Variants in TRIM61 observed in about 807,000 individuals in gnomAD.
The protein encoded by TRIM61 is tripartite motif containing 61.
A neutral mutation model predicts 14.2 loss-of-function variants in TRIM61; 1 was observed. That is an observed-to-expected ratio of 0.07 (90% CI 0.03 to 0.33). The LOEUF (loss-of-function observed/expected upper bound fraction) is 0.33, where lower values mean the gene tolerates loss of function less well. TRIM61 is among the 10% of genes least tolerant of loss of function. The pLI is 0.99. For synonymous variants in TRIM61, 8 were observed against 71.6 expected (o/e 0.11, Z 4.49); for missense variants, 19 against 202.2 (o/e 0.09, Z 5.49).
chr4:164,957,022 G>T, intron 3 of TRIM61: 1 of 1,505,554 alleles, frequency 6.6e-7, no homozygotes, highest in Admixed American at 2.2e-5. Context: ...TACCACAGTG[G>T]ATGGAAGGAT....
At chr4:164,965,446 C>CTTT (rs70952674) in intron 3 of TRIM61, among the ~76,000 whole-genome samples, 5,581 of 126,158 alleles carry the variant, frequency 0.044, 568 homozygotes, top group East Asian at 0.38. Context: ...TCTGCCTATG[C>CTTT]TTTTTTTTTT....
chr4:164,956,857 A>G (rs1192905796), intron 3 of TRIM61: 2 of 675,268 alleles, frequency 3.0e-6, no homozygotes, highest in Non-Finnish European at 4.9e-6. Flanking sequence ...CACCCCAAGC[A>G]CTGCAGCGTT....
chr4:164,967,182 C>T (rs1468231982), intron 3 of TRIM61, among the ~76,000 whole-genome samples: 1 of 152,120 alleles, frequency 6.6e-6, no homozygotes, highest in Non-Finnish European at 1.5e-5. Flanking sequence ...ACAAATCTGA[C>T]AAAACATGTT....
chr4:164,969,178 A>G (rs1219990561), intron 3 of TRIM61: 119 of 1,214,962 alleles, frequency 9.8e-5, no homozygotes, highest in Non-Finnish European at 1.1e-4. Context: ...GATGGTAACC[A>G]TATTTTTTTA....
In TRIM61 at chr4:164,962,944, C is replaced by G. The variant is rs2111138275; in HGVS notation, c.525+6534G>C. On this transcript the variant is annotated intron_variant, in intron 3 of 4. Transcript: ENST00000329314. ...CAAGGTTCTTATACTGAAAGGGAAA[C>G]AGTATAATTTCATTTAAAGGAGGCC... Among the ~76,000 whole-genome samples, 5 of 152,212 alleles carry G rather than the reference C, an allele frequency of 3.3e-5. No individual in the cohort carries two copies. The South Asian group carries it at 1.0e-3, about 32-fold the overall frequency.
chr4:164,969,541 T>C lies in TRIM61; in HGVS notation c.462A>G (p.Arg154=). 6.5e-7 allele frequency: 1 copy of C among 1,541,138 alleles called. No individual in the cohort carries two copies. The highest frequency in any genetic ancestry group is 8.8e-7 in the Non-Finnish European group (1 of 1,132,580). ...TTATGACTTTTTCAATTAGTTCCAC[T>C]CTCTCCTTCCACGGTGCATTGTATT... Residue 154 remains arginine (R), a synonymous_variant, in exon 3 of 5, where the codon AGA becomes AGG. Transcript: ENST00000329314.
chr4:164,955,998 G>A (rs542648768), intron 3 of TRIM61, among the ~76,000 whole-genome samples: 1 of 152,344 alleles, frequency 6.6e-6, no homozygotes, highest in African/African-American at 2.4e-5. Flanking sequence ...AAGAGTAAGA[G>A]AAATGAGCTT....
chr4:164,966,081 T>C (rs959758029), intron 3 of TRIM61, among the ~76,000 whole-genome samples: 2 of 152,214 alleles, frequency 1.3e-5, no homozygotes, highest in African/African-American at 2.4e-5. Context: ...GTGTTGCAGA[T>C]GAGAAGGCTC....
chr4:164,961,270 A>ATT (rs1230594425), intron 3 of TRIM61, among the ~76,000 whole-genome samples: 1 of 150,898 alleles, frequency 6.6e-6, no homozygotes, highest in African/African-American at 2.4e-5. Flanking sequence ...CAGATAGATA[A>ATT]TTTTATCAGA....
intron 3 of TRIM61, 126 bp downstream of exon 3, chr4:164,968,155 G>A (rs1394521464): frequency 3.0e-6 from 3 of 984,536 alleles, no homozygotes; most frequent in East Asian, 1.1e-4. Context: ...GAGGGGAGGG[G>A]AGAAGAGGAA....
At chr4:164,957,320 A>G in intron 3 of TRIM61, 1 of 1,614,150 alleles carries the variant, frequency 6.2e-7, no homozygotes, top group Non-Finnish European at 8.5e-7. Flanking sequence ...GAGGAATTTT[A>G]GTGGCAGCAT....
chr4:164,974,956 C>T (rs1163984945), intron 2 of TRIM61, among the ~76,000 whole-genome samples: 2 of 151,758 alleles, frequency 1.3e-5, no homozygotes, highest in African/African-American at 2.4e-5. Flanking sequence ...TGCCCAGCCA[C>T]GCACGGTGGC....
At chr4:164,963,836 C>CA (rs1431502009) in intron 3 of TRIM61, among the ~76,000 whole-genome samples, 30 of 151,302 alleles carry the variant, frequency 2.0e-4, no homozygotes, top group South Asian at 1.3e-3. Context: ...GGGAAATCCA[C>CA]AAAAAATGTG....
chr4:164,968,028 T>C (rs182962239), intron 3 of TRIM61: 3 of 305,472 alleles, frequency 9.8e-6, no homozygotes. Context: ...GGTACACACC[T>C]GTAATCCCAG....
At chr4:164,957,855 G>A (rs10034083) in intron 3 of TRIM61, 47,449 of 189,708 alleles carry the variant, frequency 0.25, 6,242 homozygotes, top group Middle Eastern at 0.36. Context: ...TGATATAAGG[G>A]TATGTATCAA....
At chr4:164,960,000 C>T (rs1425182392) in intron 3 of TRIM61, among the ~76,000 whole-genome samples, 1 of 152,080 alleles carries the variant, frequency 6.6e-6, no homozygotes, top group Non-Finnish European at 1.5e-5. Context: ...GGCCTTAATC[C>T]AGTATCACTG....
At chr4:164,968,180 AAAAAG>A (rs1208947014) in intron 3 of TRIM61, 96 bp downstream of exon 3, 36 of 984,938 alleles carry the variant, frequency 3.7e-5, no homozygotes, top group Admixed American at 6.2e-5. Context: ...AAAAGAAAAG[AAAAAG>A]AAAAGAGGCT....
intron 3 of TRIM61, among the ~76,000 whole-genome samples, chr4:164,967,219 A>G (rs997254461): frequency 6.6e-6 from 1 of 152,246 alleles, no homozygotes; most frequent in East Asian, 1.9e-4. Flanking sequence ...AAAAACTACA[A>G]ATTTCAGAGA....
intron 2 of TRIM61, among the ~76,000 whole-genome samples, chr4:164,974,135 A>G (rs1264143977): frequency 6.6e-6 from 1 of 152,188 alleles, no homozygotes; most frequent in Non-Finnish European, 1.5e-5. Flanking sequence ...GTGCCACTGC[A>G]CTCCAGCCTG....
Sources: allele counts gnomAD v4.1 joint callset (sites outside exome capture counted in the v4.1 genomes callset), GRCh38; gene constraint gnomAD v4.1.1; transcripts MANE v1.5; gene names NCBI Gene and HGNC (gene_info 2026-07-23, HGNC 2026-07-21).